Variants in PRKCH observed in about 807,000 individuals in gnomAD.
The protein encoded by PRKCH is protein kinase C eta type.
In PRKCH, 28 loss-of-function variants were observed where a neutral mutation model predicts 82.5. That is an observed-to-expected ratio of 0.34 (90% confidence interval 0.25 to 0.47). PRKCH has a LOEUF of 0.47. PRKCH is among the 20% of genes least tolerant of loss of function. PRKCH has a pLI of 1.00. For synonymous variants in PRKCH, 322 were observed against 327.4 expected, an observed-to-expected ratio of 0.98 and a Z score of 0.18; for missense variants, 705 against 881.8, an observed-to-expected ratio of 0.80 and a Z score of 2.54.
chr14:61,210,776 C>G (rs199886219), intron 1 of PRKCH, among the ~76,000 whole-genome samples: 1,678 of 115,188 alleles, frequency 0.015, 39 homozygotes, highest in East Asian at 0.11. Context: ...CTCTCTCTCT[C>G]TCTCTCTCTC....
At chr14:61,360,587 A>G (rs868537244) in intron 1 of PRKCH, among the ~76,000 whole-genome samples, 1 of 152,234 alleles carries the variant, frequency 6.6e-6, no homozygotes, top group African/African-American at 2.4e-5. Context: ...TCTTAAAGCC[A>G]TGTGTGTTTT....
intron 1 of PRKCH, among the ~76,000 whole-genome samples, chr14:61,274,004 A>G (rs755051731): frequency 6.6e-5 from 10 of 152,372 alleles, no homozygotes; most frequent in Non-Finnish European, 1.3e-4. Flanking sequence ...AGCAGCCTGA[A>G]TATGGAGATA....
chr14:61,404,053 G>A (rs752525379), intron 2 of PRKCH, among the ~76,000 whole-genome samples: 1 of 152,152 alleles, frequency 6.6e-6, no homozygotes, highest in Non-Finnish European at 1.5e-5. Flanking sequence ...GGCCACTTGT[G>A]TTGGTAACCC....
At chr14:61,356,495 T>C (rs1244385338) in intron 1 of PRKCH, among the ~76,000 whole-genome samples, 3 of 152,236 alleles carry the variant, frequency 2.0e-5, no homozygotes, top group African/African-American at 7.2e-5. Context: ...TTTTCCGGGC[T>C]ATCTCTGGCT....
chr14:61,422,186 T>C (rs550839182), intron 2 of PRKCH, among the ~76,000 whole-genome samples: 1 of 152,234 alleles, frequency 6.6e-6, no homozygotes, highest in East Asian at 1.9e-4. Context: ...TGGGCTCAAG[T>C]GATCTTCCCA....
intron 1 of PRKCH, among the ~76,000 whole-genome samples, chr14:61,283,936 C>G (rs907496355): frequency 3.3e-5 from 5 of 152,172 alleles, no homozygotes; most frequent in Admixed American, 1.3e-4. Context: ...TGATAACTGT[C>G]TAGAAGAGCA....
intron 1 of PRKCH, among the ~76,000 whole-genome samples, chr14:61,341,966 G>A (rs1257044556): frequency 6.6e-6 from 1 of 152,124 alleles, no homozygotes; most frequent in Non-Finnish European, 1.5e-5. Flanking sequence ...AATGTTGGTT[G>A]AATTGGATGC....
At chr14:61,354,606 G>A (rs1283500852) in intron 1 of PRKCH, among the ~76,000 whole-genome samples, 2 of 152,114 alleles carry the variant, frequency 1.3e-5, no homozygotes, top group Non-Finnish European at 2.9e-5. Context: ...GGGCCCTGGA[G>A]ATACAGAGAT....
intron 9 of PRKCH, among the ~76,000 whole-genome samples, chr14:61,480,183 T>G (rs1248343703): frequency 6.6e-6 from 1 of 152,212 alleles, no homozygotes; most frequent in Non-Finnish European, 1.5e-5. Context: ...ATGCACAGGT[T>G]TAAATACAGA....
At chr14:61,526,829 A>G (rs900541218) in intron 10 of PRKCH, among the ~76,000 whole-genome samples, 5 of 152,238 alleles carry the variant, frequency 3.3e-5, no homozygotes, top group Admixed American at 2.0e-4. Flanking sequence ...GCCTCCCACA[A>G]TGGCAGTTAA....
intron 1 of PRKCH, among the ~76,000 whole-genome samples, chr14:61,198,763 C>G (rs993380855): frequency 6.6e-6 from 1 of 152,132 alleles, no homozygotes; most frequent in African/African-American, 2.4e-5. Flanking sequence ...CTACTGCAGA[C>G]AGATCAAAAG....
At chr14:61,228,707 C>T (rs1190967514) in intron 1 of PRKCH, among the ~76,000 whole-genome samples, 4 of 151,948 alleles carry the variant, frequency 2.6e-5, no homozygotes, top group South Asian at 2.1e-4. Flanking sequence ...GAAAGCAGTT[C>T]GGGAAAGAGT....
rs1566939962 is a variant in PRKCH at position 61,549,755 on chromosome 14, A to G, written c.1976A>G (p.Asp659Gly). The change falls in exon 14 of 14, where the codon GAT becomes GGT. Residue 659 changes from aspartate (D) to glycine (G), a missense_variant. By Grantham distance (94) the Asp-to-Gly change is moderately conservative (BLOSUM62 -1). Coordinates refer to ENST00000332981, the MANE Select transcript of PRKCH (RefSeq NM_006255.5). ...GAAGAGCCAGTTTTAACTCCAATTG[A>G]TGAGGGACATCTTCCAATGATTAAC... ...IKEEPVLTPI[D>G]EGHLPMINQD... 6.2e-7 allele frequency: 1 copy of G among 1,613,904 alleles called. No homozygotes were observed. The highest frequency in any genetic ancestry group is 2.2e-5 in the East Asian group (1 of 44,868).
intron 2 of PRKCH, among the ~76,000 whole-genome samples, chr14:61,405,105 C>G (rs1305890870): frequency 6.6e-6 from 1 of 152,180 alleles, no homozygotes; most frequent in Non-Finnish European, 1.5e-5. Context: ...AATGCGGAAA[C>G]CATTCCAAAT....
chr14:61,466,010 A>G (rs1007010584), intron 9 of PRKCH, among the ~76,000 whole-genome samples: 81 of 152,224 alleles, frequency 5.3e-4, no homozygotes, highest in Admixed American at 4.3e-3. Flanking sequence ...ATAGGAGGTT[A>G]GAATCCAGGA....
intron 1 of PRKCH, among the ~76,000 whole-genome samples, chr14:61,370,694 T>C (rs1189793813): frequency 6.6e-6 from 1 of 152,128 alleles, no homozygotes; most frequent in Non-Finnish European, 1.5e-5. Flanking sequence ...AAGTAGTTTG[T>C]AGCTGATTTT....
intron 1 of PRKCH, among the ~76,000 whole-genome samples, chr14:61,231,595 A>T (rs1369636355): frequency 1.3e-5 from 2 of 151,946 alleles, no homozygotes; most frequent in Non-Finnish European, 2.9e-5. Context: ...GATGGTCTCG[A>T]TCTCCTGACC....
chr14:61,485,554 A>G lies in PRKCH; in HGVS notation c.1331A>G (p.His444Arg). The G allele has an allele frequency of 6.2e-7, 1 of 1,614,184 alleles. No individual in the cohort carries two copies. The highest frequency in any genetic ancestry group is 2.2e-5 in the East Asian group (1 of 44,876). Residue 444 changes from histidine to arginine, a missense_variant, in exon 10 of 14, where the codon CAC becomes CGC. Physicochemically the swap from His to Arg is conservative, Grantham distance 29 (BLOSUM62 0). This residue lies in a region of PRKCH where 238 missense variants were observed against 258.1 expected (regional missense o/e 0.92). Coordinates refer to ENST00000332981, the MANE Select transcript of PRKCH (RefSeq NM_006255.5). ...GTGAATGGGGGTGACTTGATGTTCCACATTCAGAAGTCTCGTCGTTTTGAT... is the reference window on the plus strand; with the variant it reads ...GTGAATGGGGGTGACTTGATGTTCCGCATTCAGAAGTCTCGTCGTTTTGAT... ...EFVNGGDLMF[H>R]IQKSRRFDEA...
At chr14:61,219,518 GAGTT>G (rs965618075) in intron 1 of PRKCH, among the ~76,000 whole-genome samples, 9 of 152,154 alleles carry the variant, frequency 5.9e-5, no homozygotes, top group East Asian at 3.8e-4. Context: ...ACCAGGTGAG[GAGTT>G]AGTTAGCCTC....
Sources: allele counts gnomAD v4.1 joint callset (sites outside exome capture counted in the v4.1 genomes callset), GRCh38; gene constraint gnomAD v4.1.1; regional missense constraint gnomAD v4.1.1; transcripts MANE v1.5; gene names NCBI Gene and HGNC (gene_info 2026-07-23, HGNC 2026-07-21).